Variants in CSMD1 observed in about 807,000 individuals in gnomAD.
The protein encoded by CSMD1 is CUB and Sushi multiple domains 1, also known as CUB and sushi domain-containing protein 1.
CSMD1 carries 213 observed loss-of-function variants against 417.5 expected under a neutral mutation model. That is an observed-to-expected ratio of 0.51 (90% CI 0.46 to 0.57). The LOEUF is 0.57. Among genes scored for constraint, CSMD1 ranks in the 20% least tolerant of loss-of-function variants. The pLI is 0.00. For missense variants in CSMD1, 6,923 were observed against 4,529.7 expected (o/e 1.53, Z -15.17); for synonymous variants, 2,862 against 1,736.8 (o/e 1.65, Z -16.11).
At chr8:4,362,638 C>G (rs375869286) in intron 3 of CSMD1, among the ~76,000 whole-genome samples, 2 of 152,186 alleles carry the variant, frequency 1.3e-5, no homozygotes, top group South Asian at 2.1e-4. Flanking sequence ...TTGCTACCCC[C>G]TCTACTGGCC....
At chr8:4,166,112 G>A (rs1387677824) in intron 3 of CSMD1, among the ~76,000 whole-genome samples, 1 of 152,126 alleles carries the variant, frequency 6.6e-6, no homozygotes, top group Non-Finnish European at 1.5e-5. Context: ...TCATAGAGCA[G>A]CACTGTCTGA....
chr8:3,255,573 G>A (rs530639181), intron 26 of CSMD1, among the ~76,000 whole-genome samples: 21 of 152,302 alleles, frequency 1.4e-4, no homozygotes, highest in African/African-American at 3.8e-4. Context: ...AATGGTGGAC[G>A]CCCCTCTCCC....
intron 7 of CSMD1, among the ~76,000 whole-genome samples, chr8:3,639,536 G>C (rs13263751): frequency 6.6e-6 from 1 of 151,726 alleles, no homozygotes; most frequent in Non-Finnish European, 1.5e-5. Flanking sequence ...TAATAGGATG[G>C]ATCAGAAGAC....
chr8:3,360,350 A>C (rs77431596), intron 20 of CSMD1, among the ~76,000 whole-genome samples: 3 of 152,216 alleles, frequency 2.0e-5, no homozygotes, highest in Admixed American at 6.5e-5. Context: ...TTTACAGCCA[A>C]CTCCTTCTGA....
At chr8:3,476,808 C>G (rs1347821208) in intron 11 of CSMD1, among the ~76,000 whole-genome samples, 6 of 151,270 alleles carry the variant, frequency 4.0e-5, no homozygotes, top group African/African-American at 7.3e-5. Flanking sequence ...ATCCCAGCTA[C>G]TTGGGAGGCT....
chr8:4,053,054 C>T (rs767089610), intron 3 of CSMD1, among the ~76,000 whole-genome samples: 1 of 152,084 alleles, frequency 6.6e-6, no homozygotes, highest in Non-Finnish European at 1.5e-5. Context: ...CAGAGGAGTC[C>T]TTGGGAGGCT....
intron 37 of CSMD1, among the ~76,000 whole-genome samples, chr8:3,166,072 T>C (rs887266207): frequency 2.6e-5 from 4 of 152,092 alleles, no homozygotes; most frequent in Non-Finnish European, 5.9e-5. Flanking sequence ...TATGATATGA[T>C]AGGAAGTAGG....
chr8:3,605,285 C>G (rs931505507), intron 8 of CSMD1, among the ~76,000 whole-genome samples: 1 of 152,174 alleles, frequency 6.6e-6, no homozygotes, highest in Non-Finnish European at 1.5e-5. Context: ...CCATCGCGCC[C>G]AGATGAAAGC....
At chr8:4,249,705 G>T (rs777347096) in intron 3 of CSMD1, among the ~76,000 whole-genome samples, 1 of 152,182 alleles carries the variant, frequency 6.6e-6, no homozygotes, top group Non-Finnish European at 1.5e-5. Context: ...AATAAAGCTG[G>T]AAGACTTGGC....
At chr8:3,834,996 T>C (rs1250036231) in intron 5 of CSMD1, among the ~76,000 whole-genome samples, 1 of 151,998 alleles carries the variant, frequency 6.6e-6, no homozygotes, top group African/African-American at 2.4e-5. Context: ...ATCAGAGAAA[T>C]GCAAGTCAAA....
intron 3 of CSMD1, among the ~76,000 whole-genome samples, chr8:4,412,348 T>C (rs906895551): frequency 3.0e-5 from 4 of 134,332 alleles, no homozygotes; most frequent in African/African-American, 1.1e-4. Context: ...AACTGAAAAG[T>C]GTGTGGCACC....
intron 5 of CSMD1, among the ~76,000 whole-genome samples, chr8:3,860,392 G>T (rs774461673): frequency 6.6e-6 from 1 of 152,062 alleles, no homozygotes; most frequent in Non-Finnish European, 1.5e-5. Flanking sequence ...AAAATCATCA[G>T]TCAAAATGGA....
intron 3 of CSMD1, among the ~76,000 whole-genome samples, chr8:4,300,382 A>G (rs763056307): frequency 2.0e-5 from 3 of 152,220 alleles, no homozygotes; most frequent in East Asian, 1.9e-4. Context: ...TTCTCAATAT[A>G]TGCTCCATCA....
intron 1 of CSMD1, among the ~76,000 whole-genome samples, chr8:4,941,353 AAT>A (rs1364537524): frequency 6.6e-6 from 1 of 152,178 alleles, no homozygotes; most frequent in Non-Finnish European, 1.5e-5. Context: ...TGAGTACTAA[AAT>A]ATGATATTCA....
intron 37 of CSMD1, among the ~76,000 whole-genome samples, chr8:3,177,890 A>G (rs889308057): frequency 6.6e-6 from 1 of 152,156 alleles, no homozygotes; most frequent in African/African-American, 2.4e-5. Flanking sequence ...CTGGATATGT[A>G]TTTTGTCTTG....
intron 1 of CSMD1, among the ~76,000 whole-genome samples, chr8:4,659,866 A>C (rs1804477790): frequency 6.6e-6 from 1 of 152,168 alleles, no homozygotes; most frequent in Non-Finnish European, 1.5e-5. Flanking sequence ...TAAAAATCAA[A>C]TAAATCATAA....
chr8:4,317,162 T>C (rs1798981686), intron 3 of CSMD1, among the ~76,000 whole-genome samples: 1 of 152,200 alleles, frequency 6.6e-6, no homozygotes, highest in Non-Finnish European at 1.5e-5. Context: ...CCAAATCCCT[T>C]GTAAAGTTTT....
At chr8:4,410,977 G>C (rs1037245144) in intron 3 of CSMD1, among the ~76,000 whole-genome samples, 6 of 152,118 alleles carry the variant, frequency 3.9e-5, no homozygotes, top group African/African-American at 1.2e-4. Flanking sequence ...ACAGTGGATT[G>C]TTATACAGTG....
chr8:3,773,229 A>C (rs547922284), intron 5 of CSMD1, among the ~76,000 whole-genome samples: 19 of 152,322 alleles, frequency 1.2e-4, no homozygotes, highest in Admixed American at 2.0e-4. Flanking sequence ...CTGTCACCAA[A>C]GTGTGAAACT....
Sources: gnomAD v4.1 joint callset for allele counts (sites outside exome capture counted in the v4.1 genomes callset) on GRCh38, gnomAD v4.1.1 for gene constraint, MANE v1.5 for transcripts, NCBI Gene and HGNC (gene_info 2026-07-23, HGNC 2026-07-21) for gene names.